INPP4B: variants seen among roughly 807,000 people sequenced by gnomAD.
The protein encoded by INPP4B is inositol polyphosphate-4-phosphatase type II B.
Under a neutral mutation model 122.5 loss-of-function variants are expected in INPP4B, and 55 were observed. That is an observed-to-expected ratio of 0.45 (90% CI 0.36 to 0.56). The LOEUF (loss-of-function observed/expected upper bound fraction) is 0.56. Among genes scored for constraint, INPP4B ranks in the 20% least tolerant of loss-of-function variants. INPP4B has a pLI of 0.00. For synonymous variants in INPP4B, 403 were observed against 388.7 expected (o/e 1.04, Z -0.43); for missense variants, 1,000 against 1,097.7 (o/e 0.91, Z 1.26).
At chr4:142,539,354 GT>G (rs2150024059) in intron 2 of INPP4B, among the ~76,000 whole-genome samples, 1 of 152,002 alleles carries the variant, frequency 6.6e-6, no homozygotes, top group Non-Finnish European at 1.5e-5. Flanking sequence ...ATTTATCTGT[GT>G]TTAGTCAACC....
intron 2 of INPP4B, among the ~76,000 whole-genome samples, chr4:142,577,006 G>A (rs1202585893): frequency 6.6e-6 from 1 of 151,772 alleles, no homozygotes; most frequent in Non-Finnish European, 1.5e-5. Flanking sequence ...CAGATACAAA[G>A]GTATCACATA....
At chr4:142,270,068 G>A (rs560472015) in intron 10 of INPP4B, among the ~76,000 whole-genome samples, 3 of 152,128 alleles carry the variant, frequency 2.0e-5, no homozygotes, top group Non-Finnish European at 4.4e-5. Flanking sequence ...AAAGAATCCT[G>A]GACACATATT....
intron 2 of INPP4B, among the ~76,000 whole-genome samples, chr4:142,657,860 T>C (rs7437824): frequency 0.76 from 116,131 of 152,094 alleles, 45,251 homozygotes; most frequent in Non-Finnish European, 0.83. Flanking sequence ...TAACGGATTC[T>C]GAAAATCAAA....
At chr4:142,482,850 C>T (rs909976135) in intron 2 of INPP4B, among the ~76,000 whole-genome samples, 3 of 152,040 alleles carry the variant, frequency 2.0e-5, no homozygotes, top group African/African-American at 7.2e-5. Context: ...GAAGAGTTTA[C>T]AATTCCCATT....
At chr4:142,458,100 T>G (rs1728829957) in intron 3 of INPP4B, among the ~76,000 whole-genome samples, 1 of 152,136 alleles carries the variant, frequency 6.6e-6, no homozygotes, top group Non-Finnish European at 1.5e-5. Flanking sequence ...TTTACAGTGA[T>G]AAACCTGTAA....
intron 1 of INPP4B, among the ~76,000 whole-genome samples, chr4:142,781,804 GC>G (rs996161108): frequency 1.3e-5 from 2 of 151,808 alleles, no homozygotes; most frequent in African/African-American, 2.4e-5. Flanking sequence ...ATAAAAGAAA[GC>G]CCCATGGAAA....
At chr4:142,123,659 A>T (rs894373429) in intron 19 of INPP4B, among the ~76,000 whole-genome samples, 1 of 152,158 alleles carries the variant, frequency 6.6e-6, no homozygotes, top group Non-Finnish European at 1.5e-5. Flanking sequence ...TAAGGTTGAT[A>T]GGTCTTCAAA....
intron 2 of INPP4B, among the ~76,000 whole-genome samples, chr4:142,624,813 A>T (rs1355637364): frequency 6.6e-6 from 1 of 152,242 alleles, no homozygotes; most frequent in Non-Finnish European, 1.5e-5. Flanking sequence ...CCTGGGATGC[A>T]AGGCTGGTTC....
intron 2 of INPP4B, among the ~76,000 whole-genome samples, chr4:142,558,987 T>C (rs998032631): frequency 5.9e-5 from 9 of 151,828 alleles, no homozygotes; most frequent in Non-Finnish European, 1.3e-4. Context: ...GTCCCACCCA[T>C]CTGTTAGAAC....
At chr4:142,723,826 G>C (rs1765002702) in intron 2 of INPP4B, among the ~76,000 whole-genome samples, 1 of 152,028 alleles carries the variant, frequency 6.6e-6, no homozygotes, top group Non-Finnish European at 1.5e-5. Flanking sequence ...ATGTTAATAT[G>C]TTAGTGTGTA....
chr4:142,219,883 T>C (rs1848685194), intron 12 of INPP4B, among the ~76,000 whole-genome samples: 1 of 152,182 alleles, frequency 6.6e-6, no homozygotes. Flanking sequence ...AAGGTTACTT[T>C]TGCATAGAAA....
At chr4:142,097,681 C>G (rs1233834799) in intron 23 of INPP4B, among the ~76,000 whole-genome samples, 2 of 152,104 alleles carry the variant, frequency 1.3e-5, no homozygotes, top group Non-Finnish European at 2.9e-5. Flanking sequence ...ACTTTGCCAG[C>G]CATCCTACAG....
At chr4:142,681,162 C>A (rs1191666270) in intron 2 of INPP4B, among the ~76,000 whole-genome samples, 1 of 151,766 alleles carries the variant, frequency 6.6e-6, no homozygotes, top group Non-Finnish European at 1.5e-5. Context: ...TGTAGTTTTA[C>A]TCAGTATATA....
chr4:142,651,762 G>A (rs1753008759), intron 2 of INPP4B, among the ~76,000 whole-genome samples: 1 of 152,110 alleles, frequency 6.6e-6, no homozygotes, highest in African/African-American at 2.4e-5. Context: ...TCCAGCACCT[G>A]GTAGATTCAC....
intron 1 of INPP4B, among the ~76,000 whole-genome samples, chr4:142,749,532 T>C (rs1769322526): frequency 6.6e-6 from 1 of 151,384 alleles, no homozygotes; most frequent in Non-Finnish European, 1.5e-5. Context: ...TAAGAATCCA[T>C]TTTAAGACTA....
At chr4:142,118,739 G>A (rs574363047) in intron 21 of INPP4B, among the ~76,000 whole-genome samples, 42 of 152,220 alleles carry the variant, frequency 2.8e-4, no homozygotes, top group Admixed American at 6.5e-5. Flanking sequence ...CATGGGCAAG[G>A]ACTTCATGAC....
intron 2 of INPP4B, among the ~76,000 whole-genome samples, chr4:142,590,881 C>CAAAAAAAA (rs59459819): frequency 9.6e-5 from 9 of 93,632 alleles, no homozygotes; most frequent in African/African-American, 1.2e-4. Context: ...TATCATTCTC[C>CAAAAAAAA]AAAAAAAAAA....
intron 2 of INPP4B, among the ~76,000 whole-genome samples, chr4:142,604,529 G>T (rs1250112019): frequency 6.6e-6 from 1 of 152,026 alleles, no homozygotes; most frequent in African/African-American, 2.4e-5. Context: ...CTGTAAAGTT[G>T]CAGGATGTAA....
At chr4:142,198,842 C>T (rs1839506095) in intron 14 of INPP4B, among the ~76,000 whole-genome samples, 2 of 151,946 alleles carry the variant, frequency 1.3e-5, no homozygotes, top group East Asian at 3.8e-4. Flanking sequence ...AATCCTGTTC[C>T]AGTTCTCACA....
Sources: allele counts gnomAD v4.1 joint callset (sites outside exome capture counted in the v4.1 genomes callset), GRCh38; gene constraint gnomAD v4.1.1; transcripts MANE v1.5; gene names NCBI Gene and HGNC (gene_info 2026-07-23, HGNC 2026-07-21).